Variants in AHCYL2 observed in about 807,000 individuals in gnomAD.
AHCYL2 encodes S-adenosylhomocysteine hydrolase-like protein 2.
AHCYL2 carries 28 observed loss-of-function variants against 81.4 expected under a neutral mutation model. That is an observed-to-expected ratio of 0.34 (90% CI 0.25 to 0.47). AHCYL2 has a LOEUF of 0.47. Among genes scored for constraint, AHCYL2 ranks in the 20% least tolerant of loss-of-function variants. The pLI, the probability that AHCYL2 is intolerant of heterozygous loss-of-function variation, is 1.00. For missense variants in AHCYL2, 551 were observed against 785.1 expected, an observed-to-expected ratio of 0.70 and a Z score of 3.56; for synonymous variants, 272 against 290.2, an observed-to-expected ratio of 0.94 and a Z score of 0.64.
At position 129,428,939 on chromosome 7, in the gene AHCYL2, A is replaced by T. The variant is rs926321085; in HGVS notation, c.*1894A>T. 1.3e-5 allele frequency: 2 copies of T among 152,166 alleles called. No homozygotes were observed. Among genetic ancestry groups the T allele is most frequent in the Non-Finnish European group, 2.9e-5 (2 of 68,030 alleles). 9.4% of individuals were successfully genotyped at this position (152,166 alleles called of 1,614,324 possible). A position where few individuals can be genotyped will look rare whatever the true frequency, so the allele number is the denominator to read the frequency against. On this transcript the variant is annotated 3_prime_UTR_variant, in exon 17 of 17. Coordinates refer to ENST00000325006, the MANE Select transcript of AHCYL2 (RefSeq NM_015328.4). The stretch of plus-strand genomic sequence containing the variant: ...TTGCCTACCTAGTCCTGATTTTTGT[A>T]TTAATTGGTTCCCTTTAGCAAGGGA...
At chr7:129,356,130 A>G (rs1793728381) in intron 1 of AHCYL2, among the ~76,000 whole-genome samples, 1 of 152,088 alleles carries the variant, frequency 6.6e-6, no homozygotes, top group South Asian at 2.1e-4. Flanking sequence ...CCTTTATATG[A>G]TTTCTCAAAT....
At chr7:129,271,727 A>G (rs976568947) in intron 1 of AHCYL2, among the ~76,000 whole-genome samples, 8 of 152,250 alleles carry the variant, frequency 5.3e-5, no homozygotes, top group African/African-American at 1.9e-4. Flanking sequence ...CATTTAATAG[A>G]AAGCAGATAA....
At chr7:129,248,655 C>CT (rs201616562) in intron 1 of AHCYL2, among the ~76,000 whole-genome samples, 489 of 148,870 alleles carry the variant, frequency 3.3e-3, no homozygotes, top group African/African-American at 0.012. Flanking sequence ...TTTGGGTATC[C>CT]AAGTCCTTTG....
At chr7:129,277,480 A>G (rs1796264421) in intron 1 of AHCYL2, among the ~76,000 whole-genome samples, 1 of 152,012 alleles carries the variant, frequency 6.6e-6, no homozygotes. Flanking sequence ...GGGTTTTGCC[A>G]TGTTGCCCAG....
At chr7:129,377,458 A>G in intron 1 of AHCYL2, 1 of 448,880 alleles carries the variant, frequency 2.2e-6, no homozygotes, top group South Asian at 1.6e-5. Context: ...GAATCCCCCT[A>G]AAAGGCAATG....
At chr7:129,355,442 A>C (rs1373412935) in intron 1 of AHCYL2, among the ~76,000 whole-genome samples, 1 of 152,230 alleles carries the variant, frequency 6.6e-6, no homozygotes, top group East Asian at 1.9e-4. Flanking sequence ...AAATACATAT[A>C]AAACAAGATT....
chr7:129,306,259 G>A (rs555625905), intron 1 of AHCYL2, among the ~76,000 whole-genome samples: 17 of 151,988 alleles, frequency 1.1e-4, no homozygotes, highest in Non-Finnish European at 1.2e-4. Context: ...AGATCTTGTC[G>A]GTGTGCTTTA....
chr7:129,392,223 A>G (rs1795503797), intron 4 of AHCYL2, among the ~76,000 whole-genome samples: 1 of 152,198 alleles, frequency 6.6e-6, no homozygotes, highest in African/African-American at 2.4e-5. Context: ...TTTGTTTGCC[A>G]ACCTAATACT....
At position 129,409,657 on chromosome 7, in the gene AHCYL2, T is replaced by C. The variant is rs1320547148; in HGVS notation, c.1366+111T>C. On this transcript the variant is annotated intron_variant, in intron 11 of 16. Coordinates refer to ENST00000325006, the MANE Select transcript of AHCYL2 (RefSeq NM_015328.4). ...CCAAACTCTAAAAGCTAGAGAGAGA[T>C]AGTAGCCCACAAAGCCAGCCAGTCT... is the stretch of plus-strand genomic sequence containing the variant. 5 of 886,154 alleles carry C rather than the reference T, an allele frequency of 5.6e-6. 1 individual carries two copies. Among genetic ancestry groups the C allele is most frequent in the Non-Finnish European group, 8.8e-6 (5 of 571,244 alleles). The allele number at this position is 886,154 out of a possible 1,614,324, so 54.9% of individuals were successfully genotyped here.
chr7:129,337,426 A>C lies in AHCYL2; in HGVS notation c.364-42212A>C, dbSNP rs567089799. Among the ~76,000 whole-genome samples the C allele has an allele frequency of 3.3e-5, 5 of 151,976 alleles. No individual in the cohort carries two copies. The East Asian group carries it at 9.8e-4, about 30-fold the overall frequency. Reference sequence around the variant, plus strand: ...TTATTTTTTATTTTTTTGGAGATGGAGTCTCGCTCTTCTCCCAGGCTGGAG... The same window carrying C: ...TTATTTTTTATTTTTTTGGAGATGGCGTCTCGCTCTTCTCCCAGGCTGGAG... On this transcript the variant is annotated intron_variant, in intron 1 of 16. Coordinates refer to ENST00000325006, the MANE Select transcript of AHCYL2 (RefSeq NM_015328.4).
intron 1 of AHCYL2, among the ~76,000 whole-genome samples, chr7:129,309,289 A>G (rs970921724): frequency 7.2e-5 from 11 of 152,046 alleles, no homozygotes; most frequent in African/African-American, 2.7e-4. Context: ...CTGTAATCCC[A>G]GCACTTTGGG....
intron 1 of AHCYL2, among the ~76,000 whole-genome samples, chr7:129,272,034 AG>A (rs1325077268): frequency 4.6e-5 from 7 of 152,306 alleles, no homozygotes; most frequent in Admixed American, 4.6e-4. Flanking sequence ...GGGACTTTCA[AG>A]GCCAGGTCAT....
intron 1 of AHCYL2, among the ~76,000 whole-genome samples, chr7:129,303,447 A>G (rs1797319766): frequency 6.6e-6 from 1 of 152,220 alleles, no homozygotes; most frequent in Non-Finnish European, 1.5e-5. Context: ...ATTGGCATAT[A>G]ATTGCTCATA....
chr7:129,363,832 C>T (rs1378118220), intron 1 of AHCYL2, among the ~76,000 whole-genome samples: 2 of 152,130 alleles, frequency 1.3e-5, no homozygotes, highest in African/African-American at 2.4e-5. Context: ...GCTGTCATGC[C>T]TGGCCTATTT....
At chr7:129,409,633 C>A in intron 11 of AHCYL2, 87 bp downstream of exon 11, 2 of 1,157,036 alleles carry the variant, frequency 1.7e-6, no homozygotes, top group South Asian at 1.4e-5. Context: ...TCTGAAAAAC[C>A]AAACTCTAAA....
At chr7:129,294,701 A>G (rs549677908) in intron 1 of AHCYL2, among the ~76,000 whole-genome samples, 44 of 152,216 alleles carry the variant, frequency 2.9e-4, no homozygotes, top group Non-Finnish European at 4.9e-4. Flanking sequence ...AAATATTTTA[A>G]TAAGATGGGG....
At chr7:129,389,402 A>AG (rs1795359800) in intron 3 of AHCYL2, among the ~76,000 whole-genome samples, 3 of 148,466 alleles carry the variant, frequency 2.0e-5, no homozygotes, top group African/African-American at 5.0e-5. Flanking sequence ...AAAAAAAAAA[A>AG]GGGAGAGAGA....
At chr7:129,339,570 A>C (rs1793087891) in intron 1 of AHCYL2, among the ~76,000 whole-genome samples, 1 of 152,106 alleles carries the variant, frequency 6.6e-6, no homozygotes, top group Admixed American at 6.6e-5. Flanking sequence ...TTTCATTTTT[A>C]GAGACAGGAT....
intron 1 of AHCYL2, chr7:129,283,425 G>T: frequency 2.2e-6 from 1 of 455,988 alleles, no homozygotes; most frequent in Non-Finnish European, 4.4e-6. Flanking sequence ...TTTCAGGCAG[G>T]TAGGTAAATC....
Sources: gnomAD v4.1 joint callset for allele counts (sites outside exome capture counted in the v4.1 genomes callset) on GRCh38, gnomAD v4.1.1 for gene constraint, MANE v1.5 for transcripts, NCBI Gene and HGNC (gene_info 2026-07-23, HGNC 2026-07-21) for gene names.